Variants in ART3 observed in about 807,000 individuals in gnomAD.
The protein encoded by ART3 is ADP-ribosyltransferase 3 (inactive).
A neutral mutation model predicts 48.5 loss-of-function variants in ART3; 49 were observed. The ratio of observed to expected loss-of-function variants is 1.01; its 90% confidence interval spans 0.80 to 1.28. The LOEUF (loss-of-function observed/expected upper bound fraction) is 1.28. Among genes scored for constraint, ART3 ranks in the 50% most tolerant of loss-of-function variants. ART3 has a pLI of 0.00. For missense variants in ART3, 438 were observed against 454.3 expected (o/e 0.96, Z 0.33); for synonymous variants, 145 against 157.2 (o/e 0.92, Z 0.58).
At chr4:76,088,561 T>C (rs1250681114) in intron 3 of ART3, among the ~76,000 whole-genome samples, 1 of 152,166 alleles carries the variant, frequency 6.6e-6, no homozygotes, top group Non-Finnish European at 1.5e-5. Flanking sequence ...CCCCAGCCCT[T>C]GTGTGCTTAT....
At chr4:76,105,238 T>A (rs1237523863) in intron 10 of ART3, among the ~76,000 whole-genome samples, 1 of 152,220 alleles carries the variant, frequency 6.6e-6, no homozygotes, top group Non-Finnish European at 1.5e-5. Context: ...CTCATCTGGC[T>A]ATCTGAAAGG....
Position 76,081,981 on chromosome 4 carries a change from A to G in ART3, c.227A>G (p.Lys76Arg), listed in dbSNP as rs1470416544. 3 of 1,614,098 alleles carry G rather than the reference A, an allele frequency of 1.9e-6. No homozygotes were observed. The highest frequency in any genetic ancestry group is 1.1e-5 in the South Asian group (1 of 91,080). The change falls in exon 3 of 12, where the codon AAA becomes AGA. Residue 76 changes from lysine (K) to arginine (R), a missense_variant. Physicochemically the swap from Lys to Arg is conservative, Grantham distance 26. Coordinates refer to ENST00000355810, the MANE Select transcript of ART3 (RefSeq NM_001130016.3). ...ACTGTGTGGGAAAATGCAAAAGCCA[A>G]ATGGGCAGCCCGAAAGACTCAAATC... is the stretch of plus-strand genomic sequence containing the variant. ...LDTVWENAKA[K>R]WAARKTQIFL...
At chr4:76,025,502 A>G (rs1443448873) in intron 1 of ART3, among the ~76,000 whole-genome samples, 1 of 152,230 alleles carries the variant, frequency 6.6e-6, no homozygotes, top group African/African-American at 2.4e-5. Context: ...ACTGTGTGCC[A>G]GGCATTGTTT....
chr4:76,094,228 G>A (rs939525201), intron 3 of ART3, among the ~76,000 whole-genome samples: 2 of 152,214 alleles, frequency 1.3e-5, no homozygotes, highest in Admixed American at 6.5e-5. Flanking sequence ...AGGGTATTTT[G>A]TGTGGCAGCT....
At chr4:76,067,748 G>T (rs537303157) in intron 1 of ART3, among the ~76,000 whole-genome samples, 6 of 152,364 alleles carry the variant, frequency 3.9e-5, no homozygotes, top group Non-Finnish European at 7.3e-5. Flanking sequence ...TCACTTCAAA[G>T]TTGAAAGTTT....
intron 3 of ART3, among the ~76,000 whole-genome samples, chr4:76,089,723 AAGCTAGT>A (rs59749230): frequency 0.22 from 33,700 of 151,922 alleles, 4,252 homozygotes; most frequent in Admixed American, 0.32. Flanking sequence ...GTTCTACCTC[AAGCTAGT>A]AGTTCACACG....
intron 5 of ART3, chr4:76,099,302 C>A: frequency 5.9e-6 from 2 of 336,438 alleles, no homozygotes; most frequent in South Asian, 2.9e-5. Flanking sequence ...AACTCTGTCT[C>A]CAAAGTTAAT....
At chr4:76,104,667 A>T in intron 10 of ART3, 38 bp downstream of exon 10, 3 of 1,550,438 alleles carry the variant, frequency 1.9e-6, no homozygotes, top group Non-Finnish European at 2.6e-6. Context: ...GGAACATGCC[A>T]GTTTGGGGAG....
intron 1 of ART3, 119 bp from the exon 2 acceptor site, chr4:76,075,762 C>G: frequency 1.4e-6 from 1 of 716,652 alleles, no homozygotes. Flanking sequence ...TAATCACTTC[C>G]TGACCATCAT....
intron 1 of ART3, among the ~76,000 whole-genome samples, chr4:76,045,846 G>A (rs575524368): frequency 1.2e-4 from 19 of 152,084 alleles, no homozygotes; most frequent in East Asian, 9.6e-4. Flanking sequence ...AGGAATCCCC[G>A]CAACTGTTTT....
intron 10 of ART3, 31 bp from the exon 11 acceptor site, chr4:76,107,730 A>G: frequency 1.5e-6 from 2 of 1,352,800 alleles, no homozygotes; most frequent in South Asian, 2.6e-5. Context: ...GATATACAAT[A>G]TAACTAACTC....
Position 76,022,261 on chromosome 4 carries a change from C to G in ART3, c.-10+10941C>G, listed in dbSNP as rs150638574. On this transcript the variant is annotated intron_variant, in intron 1 of 9. Transcript: ENST00000341029. The stretch of plus-strand genomic sequence containing the variant: ...TAGGGGAGGGCGTGGTGGTAACATA[C>G]TTTTAAACCAGCGATTGCACAGCAA... 1.2e-5 allele frequency: 11 copies of G among 938,208 alleles called. No homozygotes were observed. The African/African-American group carries it at 1.6e-4, about 14-fold the overall frequency. The allele number at this position is 938,208 out of a possible 1,614,324, so 58.1% of individuals were successfully genotyped here.
intron 3 of ART3, among the ~76,000 whole-genome samples, chr4:76,087,750 G>A (rs892675629): frequency 3.9e-5 from 6 of 152,094 alleles, no homozygotes; most frequent in Admixed American, 3.9e-4. Context: ...AGTTCCTGGT[G>A]GTCATAGACA....
chr4:76,101,035 A>G lies in ART3; in HGVS notation c.937+16A>G. On this transcript the variant is annotated intron_variant, in intron 8 of 11. Coordinates refer to ENST00000355810, the MANE Select transcript of ART3 (RefSeq NM_001130016.3). ...GAAGACCATGGTAAGACATTTATGT[A>G]AATTCTGGGGGCTTACATTTTGCAA... is the stretch of plus-strand genomic sequence containing the variant. The G allele has an allele frequency of 1.2e-6, 2 of 1,613,136 alleles. No individual in the cohort carries two copies. Among genetic ancestry groups the G allele is most frequent in the Middle Eastern group, 1.7e-4 (1 of 6,054 alleles).
Position 76,104,511 on chromosome 4 carries a change from C to T in ART3, c.971-86C>T. 2.6e-6 allele frequency: 4 copies of T among 1,545,300 alleles called. No individual in the cohort carries two copies. In the South Asian group the frequency reaches 4.8e-5, roughly 19 times the overall value. On this transcript the variant is annotated intron_variant, in intron 9 of 11. Transcript: ENST00000355810. ...AGTGCATTGGGGCCTTGGGTGCTTG[C>T]ATCTCTTAAGCTCAGCAGACAAGAG...
chr4:76,013,669 A>G (rs1008433784), intron 1 of ART3, among the ~76,000 whole-genome samples: 10 of 152,322 alleles, frequency 6.6e-5, no homozygotes, highest in Admixed American at 3.3e-4. Context: ...GGTATTTCCC[A>G]TCTTTGAAAC....
chr4:76,099,051 C>A, intron 5 of ART3, 64 bp downstream of exon 5: 1 of 1,485,648 alleles, frequency 6.7e-7, no homozygotes, highest in Non-Finnish European at 9.4e-7. Flanking sequence ...CCTGTAATCC[C>A]AGCGCTTTGG....
chr4:76,100,144 A>G (rs1578577049), intron 5 of ART3, 147 bp from the exon 6 acceptor site: 1 of 616,076 alleles, frequency 1.6e-6, no homozygotes, highest in East Asian at 3.8e-5. Flanking sequence ...TGTGACCGAC[A>G]ACTTAAGTTT....
intron 1 of ART3, among the ~76,000 whole-genome samples, chr4:76,019,468 C>T (rs1042384485): frequency 2.5e-5 from 3 of 121,594 alleles, no homozygotes; most frequent in Non-Finnish European, 5.3e-5. Context: ...AAAAAAAATT[C>T]AATCTGATAA....
Sources: gnomAD v4.1 joint callset for allele counts (sites outside exome capture counted in the v4.1 genomes callset) on GRCh38, gnomAD v4.1.1 for gene constraint, MANE v1.5 for transcripts, NCBI Gene and HGNC (gene_info 2026-07-23, HGNC 2026-07-21) for gene names.